The following ARMC10 variants were observed in gnomAD, a reference collection of about 807,000 sequenced individuals.
ARMC10 encodes armadillo repeat-containing protein 10.
A neutral mutation model predicts 30.2 loss-of-function variants in ARMC10; 23 were observed. The observed-to-expected ratio is 0.76, with a 90% CI of 0.55 to 1.08. The LOEUF is 1.08. ARMC10 is among the 50% of genes least tolerant of loss of function. ARMC10 has a pLI of 0.00. For synonymous variants in ARMC10, 111 were observed against 164.4 expected (o/e 0.68, Z 2.48); for missense variants, 303 against 413.7 (o/e 0.73, Z 2.32).
rs541388815 is a variant in ARMC10, at chr7:103,086,983, A to C, written c.528+219A>C. The C allele has an allele frequency of 2.3e-6, 3 of 1,304,276 alleles. No homozygotes were observed. The South Asian group carries it at 3.8e-5, about 17-fold the overall frequency. The allele number at this position is 1,304,276 out of a possible 1,614,324, so 80.8% of individuals were successfully genotyped here. On this transcript the variant is annotated intron_variant, in intron 4 of 6. Coordinates refer to ENST00000323716, the MANE Select transcript of ARMC10 (RefSeq NM_031905.5). Reference sequence around the variant, plus strand: ...CAGTAAAATAATGCTTGTTTATTCTACAGGTTATCCTCTACATCAGGGACA... The same window carrying C: ...CAGTAAAATAATGCTTGTTTATTCTCCAGGTTATCCTCTACATCAGGGACA...
At position 103,076,939 on chromosome 7, in the gene ARMC10, GTGCAGTGGCGCAATCACAGC is replaced by G. The variant is rs1351852218; in HGVS notation, c.244+1064_244+1083del. The stretch of plus-strand genomic sequence containing the variant: ...GGACTCCCTCTGTCACCCAGGCTCG[GTGCAGTGGCGCAATCACAGC>G]TGCAGCGGCGCAATCACAGCTGCAG... On this transcript the variant is annotated intron_variant, in intron 2 of 6. Transcript: ENST00000323716. Among the ~76,000 whole-genome samples the G allele has an allele frequency of 5.1e-4, 77 of 152,268 alleles. No homozygotes were observed. The East Asian group carries it at 0.013, about 26-fold the overall frequency.
intron 1 of ARMC10, 90 bp downstream of exon 1, chr7:103,075,501 A>C: frequency 8.3e-7 from 1 of 1,200,832 alleles, no homozygotes; most frequent in Non-Finnish European, 1.1e-6. Flanking sequence ...CTCGGGGTAA[A>C]ATGAGGAGCC....
chr7:103,094,593 C>T (rs1801615666), intron 5 of ARMC10, among the ~76,000 whole-genome samples: 1 of 152,166 alleles, frequency 6.6e-6, no homozygotes, highest in South Asian at 2.1e-4. Flanking sequence ...TCAGGACCAT[C>T]CTATTTCATA....
chr7:103,098,215 TGTA>T (rs1801941628), intron 6 of ARMC10, 81 bp from the exon 7 acceptor site: 2 of 1,169,804 alleles, frequency 1.7e-6, no homozygotes, highest in Non-Finnish European at 2.2e-6. Flanking sequence ...AGTTATTCAA[TGTA>T]GTTTTAAAAT....
chr7:103,096,943 A>G (rs1031906122), intron 5 of ARMC10: 8 of 303,424 alleles, frequency 2.6e-5, no homozygotes, highest in Admixed American at 4.4e-5. Context: ...CGTGTGATAG[A>G]AAACCTGTAT....
Position 103,098,002 on chromosome 7 carries a change from T to G in ARMC10, c.778-297T>G, listed in dbSNP as rs191279772. On this transcript the variant is annotated intron_variant, in intron 6 of 6. Transcript: ENST00000323716. ...TGATGATCTTAAAAAAGAAAATGGT[T>G]GTTTTTCCCAAATAACCACATTCTA... Among the ~76,000 whole-genome samples, 45 of 152,272 alleles carry G rather than the reference T, an allele frequency of 3.0e-4. No individual in the cohort carries two copies. The East Asian group carries it at 7.1e-3, about 24-fold the overall frequency.
rs759011482 is a variant in ARMC10, at chr7:103,075,387, G to A, written c.115G>A (p.Gly39Arg). ...RGRRRGDREL[G>R]IRSSKSAGAL... ...TCGGCGGCGGGGCGACCGCGAGCTC[G>A]GGATACGCTCTTCGAAGTCCGCAGG... The change falls in exon 1 of 7, where the codon GGG (glycine) becomes AGG (arginine). Residue 39 changes from glycine (G) to arginine (R), a missense_variant. Around this residue, in one of 4 missense-constraint regions of ARMC10, gnomAD observed 96 missense variants for 84.2 expected, o/e 1.14. Coordinates refer to ENST00000323716, the MANE Select transcript of ARMC10 (RefSeq NM_031905.5). 9.3e-6 allele frequency: 12 copies of A among 1,288,806 alleles called. No individual in the cohort carries two copies. The East Asian group carries it at 2.0e-4, about 21-fold the overall frequency. 79.8% of individuals were successfully genotyped at this position (1,288,806 alleles called of 1,614,324 possible).
chr7:103,092,437 T>G, intron 4 of ARMC10, 40 bp from the exon 5 acceptor site: 1 of 1,483,570 alleles, frequency 6.7e-7, no homozygotes, highest in Non-Finnish European at 9.1e-7. Flanking sequence ...AGAAAAATTT[T>G]GGAGATTCTA....
chr7:103,092,673 CAAGCTTATTAACA>C lies in ARMC10; in HGVS notation c.705+21_705+33del. 1 of 1,499,052 alleles carries C rather than the reference CAAGCTTATTAACA, an allele frequency of 6.7e-7. No individual in the cohort carries two copies. The highest frequency in any genetic ancestry group is 2.4e-5 in the East Asian group (1 of 42,400). 92.9% of individuals were successfully genotyped at this position (1,499,052 alleles called of 1,614,324 possible). Reference sequence around the variant, plus strand: ...ACGAAGGTATGAAGAGCTATTGTGTCAAGCTTATTAACATTGAAATAGTATTTGCAGGCCACCT... The same window carrying C: ...ACGAAGGTATGAAGAGCTATTGTGTCTTGAAATAGTATTTGCAGGCCACCT... On this transcript the variant is annotated intron_variant, in intron 5 of 6. Transcript: ENST00000323716.
rs763929547 is a variant in ARMC10, at chr7:103,098,277, T to A, written c.778-22T>A. The A allele has an allele frequency of 1.2e-5, 17 of 1,408,126 alleles. No homozygotes were observed. The South Asian group carries it at 2.5e-4, about 21-fold the overall frequency. 87.2% of individuals were successfully genotyped at this position (1,408,126 alleles called of 1,614,324 possible). A position where few individuals can be genotyped will look rare whatever the true frequency, so the allele number is the denominator to read the frequency against. ...TTCATATATTATTAATATAAAATAA[T>A]ACTCATTGTTTCATATTTCAGGTGG... On this transcript the variant is annotated intron_variant, in intron 6 of 6. Transcript: ENST00000323716.
rs775002874 is a variant in ARMC10 at position 103,075,814 on chromosome 7, C to G, written c.177C>G (p.Cys59Trp). The change falls in exon 2 of 7, where the codon TGC becomes TGG. Residue 59 changes from cysteine (C) to tryptophan (W), a missense_variant. By Grantham distance (215) the Cys-to-Trp change is radical. Coordinates refer to ENST00000323716, the MANE Select transcript of ARMC10 (RefSeq NM_031905.5). ...AAGGGACGTCAGAGGGTCAGTTGTG[C>G]GGGCGCTCGGCCCGGCCTCAGACGG... ...LEEGTSEGQL[C>W]GRSARPQTGG... 9.9e-6 allele frequency: 16 copies of G among 1,610,554 alleles called. No individual in the cohort carries two copies. In the South Asian group the frequency reaches 1.7e-4, roughly 17 times the overall value.
rs370852886 is a variant in ARMC10 at position 103,084,305 on chromosome 7, CAT to C, written c.393+476_393+477del. 4.5e-4 allele frequency among the ~76,000 whole-genome samples: 68 copies of C among 152,318 alleles called. No homozygotes were observed. The East Asian group carries it at 0.012, about 27-fold the overall frequency. ...CTAAGACTAAAGAGCTTAATTTGAA[CAT>C]GTGCTTCTTCCTACTCTTCCTCACA... is the stretch of plus-strand genomic sequence containing the variant. On this transcript the variant is annotated intron_variant, in intron 3 of 6. Coordinates refer to ENST00000323716, the MANE Select transcript of ARMC10 (RefSeq NM_031905.5).
chr7:103,083,257 TC>T, intron 2 of ARMC10: 1 of 415,742 alleles, frequency 2.4e-6, no homozygotes, highest in Admixed American at 2.7e-5. Context: ...AGTATCTTCT[TC>T]CTAAGGATGT....
At chr7:103,084,458 C>G (rs1027650065) in intron 3 of ARMC10, among the ~76,000 whole-genome samples, 1 of 152,158 alleles carries the variant, frequency 6.6e-6, no homozygotes, top group Admixed American at 6.5e-5. Context: ...CCAGCTTTCT[C>G]CAGAATGGCA....
At chr7:103,082,574 G>A (rs1263666877) in intron 2 of ARMC10, among the ~76,000 whole-genome samples, 1 of 151,984 alleles carries the variant, frequency 6.6e-6, no homozygotes, top group Non-Finnish European at 1.5e-5. Context: ...GGCCTGAAGT[G>A]ATTCTCCTGC....
At chr7:103,084,996 C>T (rs1221939976) in intron 3 of ARMC10, among the ~76,000 whole-genome samples, 1 of 152,194 alleles carries the variant, frequency 6.6e-6, no homozygotes, top group African/African-American at 2.4e-5. Flanking sequence ...ACAACAATCC[C>T]AGCAGGGACC....
In ARMC10 at chr7:103,087,443, T is replaced by TA. The variant is rs946647674; in HGVS notation, c.528+687dup. Among the ~76,000 whole-genome samples the TA allele has an allele frequency of 3.6e-4, 55 of 152,082 alleles. 2 individuals carry two copies. The highest frequency in any genetic ancestry group is 7.7e-4 in the East Asian group (4 of 5,188). The stretch of plus-strand genomic sequence containing the variant: ...TGTTATTTATGAGGCAGTTAACCTG[T>TA]AAAAAAAATAGTTAACTTGGTAAAT... On this transcript the variant is annotated intron_variant, in intron 4 of 6. Transcript: ENST00000323716.
intron 3 of ARMC10, among the ~76,000 whole-genome samples, chr7:103,085,233 G>T (rs1474894132): frequency 1.3e-5 from 2 of 151,046 alleles, no homozygotes; most frequent in Non-Finnish European, 2.9e-5. Context: ...ATCAATTATA[G>T]TACCTTAATC....
rs538498862 is a variant in ARMC10, at chr7:103,092,570, G to A, written c.622G>A (p.Val208Ile). 1.2e-6 allele frequency: 2 copies of A among 1,610,164 alleles called. No homozygotes were observed. The highest frequency in any genetic ancestry group is 4.5e-5 in the East Asian group (2 of 44,812). Reference protein sequence around the residue: ...AGLTLLTNMTVTNDHQHMLHS... With the variant: ...AGLTLLTNMTITNDHQHMLHS... ...ACTGACATTGTTGACAAACATGACT[G>A]TTACCAATGACCACCAGCACATGCT... Residue 208 changes from valine to isoleucine, a missense_variant, in exon 5 of 7, where the codon GTT becomes ATT. This residue lies in a region of ARMC10 where 170 missense variants were observed against 207.2 expected (regional missense o/e 0.82). Transcript: ENST00000323716.
Sources: gnomAD v4.1 joint callset for allele counts (sites outside exome capture counted in the v4.1 genomes callset) on GRCh38, gnomAD v4.1.1 for gene constraint, gnomAD v4.1.1 regional missense constraint, MANE v1.5 for transcripts, NCBI Gene and HGNC (gene_info 2026-07-23, HGNC 2026-07-21) for gene names.